Variants in EYS observed in about 807,000 individuals in gnomAD.
EYS encodes the protein protein eyes shut homolog.
In EYS, 250 loss-of-function variants were observed where a neutral mutation model predicts 282.1. That is an observed-to-expected ratio of 0.89 (90% CI 0.80 to 0.98). The LOEUF (loss-of-function observed/expected upper bound fraction) is 0.98. Ranked by LOEUF, EYS falls within the 50% of genes least tolerant of loss-of-function variation. The pLI is 0.00. For synonymous variants in EYS, 1,355 were observed against 1,282.9 expected (o/e 1.06, Z -1.20); for missense variants, 4,016 against 3,709.0 (o/e 1.08, Z -2.15).
intron 1 of EYS, among the ~76,000 whole-genome samples, chr6:65,703,395 T>C (rs541132752): frequency 1.6e-4 from 24 of 151,584 alleles, no homozygotes; most frequent in Admixed American, 8.5e-4. Context: ...AATTTAACTA[T>C]GTTAGTTGCT....
At chr6:65,429,803 G>A (rs1767809718) in intron 5 of EYS, among the ~76,000 whole-genome samples, 1 of 145,196 alleles carries the variant, frequency 6.9e-6, no homozygotes, top group Admixed American at 7.1e-5. Context: ...AAAATGTCTT[G>A]GAAAATAAAT....
chr6:65,481,980 G>A (rs1011395389), intron 5 of EYS, among the ~76,000 whole-genome samples: 5 of 152,140 alleles, frequency 3.3e-5, no homozygotes, highest in African/African-American at 1.2e-4. Flanking sequence ...AGATTCAGAG[G>A]AAGACTCAGT....
intron 28 of EYS, among the ~76,000 whole-genome samples, chr6:64,392,535 C>A (rs1773192429): frequency 6.6e-6 from 1 of 151,752 alleles, no homozygotes; most frequent in Admixed American, 6.6e-5. Flanking sequence ...CTACTGGGTA[C>A]ATAAAGAAAT....
chr6:64,109,781 A>T (rs1471026419), intron 31 of EYS, among the ~76,000 whole-genome samples: 1 of 152,138 alleles, frequency 6.6e-6, no homozygotes, highest in Non-Finnish European at 1.5e-5. Flanking sequence ...TCTGTAGCCC[A>T]TATGACAGCA....
chr6:64,889,129 AT>A (rs926170575), intron 18 of EYS, among the ~76,000 whole-genome samples: 12 of 151,692 alleles, frequency 7.9e-5, no homozygotes, highest in South Asian at 2.1e-4. Flanking sequence ...AATTGTTTCA[AT>A]TTTTTTTAAA....
chr6:64,782,941 A>C (rs924237081), intron 22 of EYS, among the ~76,000 whole-genome samples: 3 of 152,226 alleles, frequency 2.0e-5, no homozygotes, highest in Non-Finnish European at 2.9e-5. Flanking sequence ...ATGGTCAGCC[A>C]TCTTCTCAAA....
intron 34 of EYS, among the ~76,000 whole-genome samples, chr6:63,985,975 A>T (rs1269871767): frequency 6.6e-6 from 1 of 151,930 alleles, no homozygotes; most frequent in Non-Finnish European, 1.5e-5. Flanking sequence ...AATTGTCAGC[A>T]GAGTAAATAG....
intron 5 of EYS, among the ~76,000 whole-genome samples, chr6:65,427,694 C>T (rs1026206009): frequency 3.9e-5 from 6 of 152,090 alleles, no homozygotes; most frequent in African/African-American, 1.4e-4. Context: ...AAGTACCCCA[C>T]TGAATGCTGA....
chr6:65,519,708 A>ATATATAT (rs1554205854), intron 2 of EYS, among the ~76,000 whole-genome samples: 3 of 42,564 alleles, frequency 7.0e-5, no homozygotes, highest in Non-Finnish European at 3.7e-5. Context: ...ATATATATAT[A>ATATATAT]TTTTTTTTTT....
intron 21 of EYS, among the ~76,000 whole-genome samples, chr6:64,817,754 G>A (rs1373156560): frequency 6.6e-6 from 1 of 152,052 alleles, no homozygotes; most frequent in Non-Finnish European, 1.5e-5. Flanking sequence ...GCCTCCAGCT[G>A]CATCCATGTT....
chr6:64,959,463 C>T (rs527723029), intron 14 of EYS, among the ~76,000 whole-genome samples: 18 of 152,164 alleles, frequency 1.2e-4, no homozygotes, highest in Admixed American at 1.2e-3. Context: ...TCCACAGATA[C>T]CATAAATATT....
intron 39 of EYS, among the ~76,000 whole-genome samples, chr6:63,781,984 C>A (rs1023879993): frequency 2.6e-5 from 4 of 152,070 alleles, no homozygotes; most frequent in African/African-American, 9.7e-5. Flanking sequence ...TGTTAAAAGC[C>A]TTTTCTGCAT....
Position 64,022,697 on chromosome 6 carries a change from T to C in EYS, c.6726-23514A>G, listed in dbSNP as rs1435829638. 3.9e-5 allele frequency among the ~76,000 whole-genome samples: 6 copies of C among 152,310 alleles called. No individual in the cohort carries two copies. In the East Asian group the frequency reaches 9.6e-4, roughly 24 times the overall value. ...CTGCCTGCTCCAACCTGAAACCAGTTTTATTCAATATCTACTGAAACAGGC... is the reference window on the plus strand; with the variant it reads ...CTGCCTGCTCCAACCTGAAACCAGTCTTATTCAATATCTACTGAAACAGGC... On this transcript the variant is annotated intron_variant, in intron 33 of 42. Transcript: ENST00000503581.
intron 12 of EYS, among the ~76,000 whole-genome samples, chr6:65,154,947 A>G (rs1764698312): frequency 6.6e-6 from 1 of 151,688 alleles, no homozygotes; most frequent in African/African-American, 2.4e-5. Context: ...ATTTAAAAAC[A>G]GGAAAAATTA....
intron 5 of EYS, among the ~76,000 whole-genome samples, chr6:65,477,023 AG>A: frequency 6.6e-6 from 1 of 152,214 alleles, no homozygotes; most frequent in Non-Finnish European, 1.5e-5. Flanking sequence ...ATCTATTGAA[AG>A]GATGATGACA....
intron 8 of EYS, among the ~76,000 whole-genome samples, chr6:65,364,175 T>C (rs970258692): frequency 6.6e-6 from 1 of 151,150 alleles, no homozygotes; most frequent in Non-Finnish European, 1.5e-5. Context: ...GATTTTGTCT[T>C]TGTGAATTTT....
chr6:64,428,843 T>C (rs1422637390), intron 28 of EYS, among the ~76,000 whole-genome samples: 1 of 152,170 alleles, frequency 6.6e-6, no homozygotes, highest in Non-Finnish European at 1.5e-5. Flanking sequence ...GACTTGTGTA[T>C]ACTTTGAATT....
intron 35 of EYS, among the ~76,000 whole-genome samples, chr6:63,866,399 A>G (rs572907604): frequency 6.6e-6 from 1 of 152,312 alleles, no homozygotes; most frequent in East Asian, 1.9e-4. Context: ...TGCCTTCTGG[A>G]AGGACCAAAT....
chr6:63,850,398 A>T (rs1772215525), intron 36 of EYS, among the ~76,000 whole-genome samples: 1 of 152,186 alleles, frequency 6.6e-6, no homozygotes, highest in Admixed American at 6.5e-5. Context: ...GATTGAAATG[A>T]AGGAAAAAAA....
Sources: gnomAD v4.1 joint callset for allele counts (sites outside exome capture counted in the v4.1 genomes callset) on GRCh38, gnomAD v4.1.1 for gene constraint, MANE v1.5 for transcripts, NCBI Gene and HGNC (gene_info 2026-07-23, HGNC 2026-07-21) for gene names.